Variants in LASP1 observed in about 807,000 individuals in gnomAD.
The protein encoded by LASP1 is LIM and SH3 domain protein 1.
In LASP1, 10 loss-of-function variants were observed where a neutral mutation model predicts 38.6. That is an observed-to-expected ratio of 0.26 (90% CI 0.16 to 0.44). LASP1 has a LOEUF of 0.44. Among genes scored for constraint, LASP1 ranks in the 20% least tolerant of loss-of-function variants. The pLI, the probability that LASP1 is intolerant of heterozygous loss-of-function variation, is 1.00. For synonymous variants in LASP1, 132 were observed against 140.8 expected, an observed-to-expected ratio of 0.94 and a Z score of 0.44; for missense variants, 243 against 375.7, an observed-to-expected ratio of 0.65 and a Z score of 2.92.
intron 4 of LASP1, chr17:38,904,606 A>G (rs1399294424): frequency 6.6e-6 from 1 of 152,214 alleles, no homozygotes; most frequent in Non-Finnish European, 1.5e-5. Flanking sequence ...AATAAAAAAA[A>G]AAAAAGGAAA....
chr17:38,918,615 G>A lies in LASP1; in HGVS notation c.623G>A (p.Arg208His), dbSNP rs1325306453. Reference protein sequence around the residue: ...SAPGGGGKRYRAVYDYSAADE... With the variant: ...SAPGGGGKRYHAVYDYSAADE... Reference sequence around the variant, plus strand: ...ACACTTCCCCCACAGAAGCGGTACCGCGCGGTGTATGACTACAGCGCCGCC... The same window carrying A: ...ACACTTCCCCCACAGAAGCGGTACCACGCGGTGTATGACTACAGCGCCGCC... The change falls in exon 7 of 7, where the codon CGC (arginine) becomes CAC (histidine). Residue 208 changes from arginine to histidine, a missense_variant. Arg to His is a conservative substitution (Grantham distance 29). Around this residue, in one of 4 missense-constraint regions of LASP1, gnomAD observed 165 missense variants for 210.3 expected, o/e 0.78. Coordinates refer to ENST00000318008, the MANE Select transcript of LASP1 (RefSeq NM_006148.4). The surrounding 1 kb of genome is among the most constrained non-coding windows in gnomAD (Gnocchi z 4.4). 3.8e-6 allele frequency: 6 copies of A among 1,597,928 alleles called. No homozygotes were observed. Among genetic ancestry groups the A allele is most frequent in the Non-Finnish European group, 5.1e-6 (6 of 1,168,072 alleles).
rs190538651 is a variant in LASP1, at chr17:38,876,970, G to A, written c.70-1116G>A. On this transcript the variant is annotated intron_variant, in intron 1 of 6. Coordinates refer to ENST00000318008, the MANE Select transcript of LASP1 (RefSeq NM_006148.4). The stretch of plus-strand genomic sequence containing the variant: ...CGCCCGCCTCGGCCTCCCAAAGTGC[G>A]GGATTACAGGCGTGAGCCACCGTGC... Among the ~76,000 whole-genome samples the A allele has an allele frequency of 5.8e-3, 874 of 151,564 alleles. 2 individuals carry two copies. The highest frequency in any genetic ancestry group is 9.6e-3 in the Non-Finnish European group (654 of 67,806).
chr17:38,882,604 T>C (rs1237709148), intron 2 of LASP1, among the ~76,000 whole-genome samples: 1 of 152,162 alleles, frequency 6.6e-6, no homozygotes, highest in Non-Finnish European at 1.5e-5. Flanking sequence ...GTGAGAGAGA[T>C]ATTTAAGAGA....
In LASP1 at chr17:38,870,140, A is replaced by G; in HGVS notation, c.-50A>G. 10 of 1,603,718 alleles carry G rather than the reference A, an allele frequency of 6.2e-6. No homozygotes were observed. The highest frequency in any genetic ancestry group is 8.5e-6 in the Non-Finnish European group (10 of 1,174,148). ...GCCTCCCGCCAGCTCGCCTCGGGGA[A>G]CAGGACGCGCGTGAGCTCAGGCGTC... On this transcript the variant is annotated 5_prime_UTR_variant, in exon 1 of 7. Coordinates refer to ENST00000318008, the MANE Select transcript of LASP1 (RefSeq NM_006148.4).
chr17:38,907,015 C>G (rs1403224027), intron 4 of LASP1, among the ~76,000 whole-genome samples: 1 of 152,196 alleles, frequency 6.6e-6, no homozygotes, highest in African/African-American at 2.4e-5. Context: ...GAGCTTGGAG[C>G]AGGGATGAGC....
intron 1 of LASP1, among the ~76,000 whole-genome samples, chr17:38,877,706 G>A (rs762356553): frequency 2.0e-5 from 3 of 152,164 alleles, no homozygotes; most frequent in Non-Finnish European, 2.9e-5. Context: ...CTGCTCCCTA[G>A]CAACCCAGCG....
At position 38,920,454 on chromosome 17, in the gene LASP1, A is replaced by G. The variant is rs1915269431; in HGVS notation, c.*1676A>G. 3.7e-6 allele frequency: 1 copy of G among 267,494 alleles called. No individual in the cohort carries two copies. Among genetic ancestry groups the G allele is most frequent in the African/African-American group, 2.1e-5 (1 of 47,204 alleles). The allele number at this position is 267,494 out of a possible 1,614,324, so 16.6% of individuals were successfully genotyped here. ...GGGTGGCTGTGACAACCCTGGCCTC[A>G]CTTGATTCATCTCTGGTTTTCTTGC... On this transcript the variant is annotated 3_prime_UTR_variant, in exon 7 of 7. Coordinates refer to ENST00000318008, the MANE Select transcript of LASP1 (RefSeq NM_006148.4).
At chr17:38,910,733 C>CTTTTTTTTTCTTTTT (rs10526728) in intron 4 of LASP1, among the ~76,000 whole-genome samples, 1 of 135,476 alleles carries the variant, frequency 7.4e-6, no homozygotes, top group Non-Finnish European at 1.5e-5. Context: ...CTGGAGTCCA[C>CTTTTTTTTTCTTTTT]TTTTTTTTAA....
intron 2 of LASP1, among the ~76,000 whole-genome samples, chr17:38,879,640 G>T (rs2143738563): frequency 6.7e-6 from 1 of 150,152 alleles, no homozygotes; most frequent in South Asian, 2.1e-4. Context: ...AAAAAAATTT[G>T]GGACTTGTCT....
intron 4 of LASP1, among the ~76,000 whole-genome samples, chr17:38,913,637 C>T (rs1042538492): frequency 6.6e-5 from 10 of 152,130 alleles, no homozygotes; most frequent in East Asian, 3.9e-4. Flanking sequence ...GCTCAGGAAA[C>T]GGGCTGCTGC....
At chr17:38,890,274 G>GTGGA in intron 2 of LASP1, 146 bp from the exon 3 acceptor site, 1 of 662,226 alleles carries the variant, frequency 1.5e-6, no homozygotes, top group Non-Finnish European at 2.6e-6. Flanking sequence ...GGCCTTGGTG[G>GTGGA]TGGACACTGA....
intron 1 of LASP1, 150 bp from the exon 2 acceptor site, chr17:38,877,936 C>G (rs1162832420): frequency 1.7e-6 from 1 of 591,972 alleles, no homozygotes; most frequent in Non-Finnish European, 3.1e-6. Flanking sequence ...ACCTGAAATG[C>G]CCCCAGCTCA....
At chr17:38,878,962 C>T (rs934866089) in intron 2 of LASP1, among the ~76,000 whole-genome samples, 5 of 151,856 alleles carry the variant, frequency 3.3e-5, no homozygotes, top group Non-Finnish European at 5.9e-5. Context: ...GAATACCTCC[C>T]CTCCCATCCC....
Position 38,911,269 on chromosome 17 carries a change from C to T in LASP1, c.358-3056C>T, listed in dbSNP as rs545237520. ...CAGCCTGGAGCCAGGGCCAGCGTCC[C>T]GAGGATGAGGTGCCGAGATGGACCT... On this transcript the variant is annotated intron_variant, in intron 4 of 6. Coordinates refer to ENST00000318008, the MANE Select transcript of LASP1 (RefSeq NM_006148.4). 7.2e-5 allele frequency among the ~76,000 whole-genome samples: 11 copies of T among 152,246 alleles called. No individual in the cohort carries two copies. In the South Asian group the frequency reaches 1.7e-3, roughly 23 times the overall value.
chr17:38,918,665 G>A lies in LASP1; in HGVS notation c.673G>A (p.Asp225Asn). 1 of 1,613,948 alleles carries A rather than the reference G, an allele frequency of 6.2e-7. No individual in the cohort carries two copies. Among genetic ancestry groups the A allele is most frequent in the Non-Finnish European group, 8.5e-7 (1 of 1,179,868 alleles). Residue 225 changes from aspartate to asparagine, a missense_variant, in exon 7 of 7, where the codon GAC becomes AAC. By Grantham distance (23) the Asp-to-Asn change is conservative. Coordinates refer to ENST00000318008, the MANE Select transcript of LASP1 (RefSeq NM_006148.4). This position sits in a 1 kb window ranked among gnomAD's most constrained non-coding sequence, Gnocchi z 4.4. ...AADEDEVSFQ[D>N]GDTIVNVQQI... ...CGACGAGGACGAGGTCTCCTTCCAG[G>A]ACGGGGACACCATCGTCAACGTGCA...
At chr17:38,877,802 C>T (rs1913824711) in intron 1 of LASP1, among the ~76,000 whole-genome samples, 1 of 152,182 alleles carries the variant, frequency 6.6e-6, no homozygotes, top group Non-Finnish European at 1.5e-5. Flanking sequence ...GGGCTGCTGC[C>T]ACTGCTATAA....
At chr17:38,899,745 A>ATTTTTTTTT (rs1567701005) in intron 4 of LASP1, among the ~76,000 whole-genome samples, 1 of 98,628 alleles carries the variant, frequency 1.0e-5, no homozygotes, top group Non-Finnish European at 2.2e-5. Flanking sequence ...GGGCGTTCAG[A>ATTTTTTTTT]TCTTTTTTTT....
At position 38,892,152 on chromosome 17, in the gene LASP1, A is replaced by G. The variant is rs575171154; in HGVS notation, c.249+1648A>G. Among the ~76,000 whole-genome samples, 4 of 152,312 alleles carry G rather than the reference A, an allele frequency of 2.6e-5. No individual in the cohort carries two copies. In the South Asian group the frequency reaches 8.3e-4, roughly 32 times the overall value. Reference sequence around the variant, plus strand: ...GTGCCTTTAGTTAGTTCCCCTGTTTATCCTTGACTGGGTTCTGGGAGAAGG... The same window carrying G: ...GTGCCTTTAGTTAGTTCCCCTGTTTGTCCTTGACTGGGTTCTGGGAGAAGG... On this transcript the variant is annotated intron_variant, in intron 3 of 6. Transcript: ENST00000318008.
chr17:38,921,009 A>G lies in LASP1; in HGVS notation c.*2231A>G. ...CCTTCCCAGATAAGGCAAGCCAGTC[A>G]TGGAATCTTGCTGCAGGCCCTCCCT... is the stretch of plus-strand genomic sequence containing the variant. On this transcript the variant is annotated 3_prime_UTR_variant, in exon 7 of 7. Coordinates refer to ENST00000318008, the MANE Select transcript of LASP1 (RefSeq NM_006148.4). 1 of 232,210 alleles carries G rather than the reference A, an allele frequency of 4.3e-6. No individual in the cohort carries two copies. The highest frequency in any genetic ancestry group is 5.6e-5 in the Admixed American group (1 of 17,730). 14.4% of individuals were successfully genotyped at this position (232,210 alleles called of 1,614,324 possible).
Sources: allele counts gnomAD v4.1 joint callset (sites outside exome capture counted in the v4.1 genomes callset), GRCh38; gene constraint gnomAD v4.1.1; regional missense constraint gnomAD v4.1.1; non-coding constraint Gnocchi (gnomAD v3.1); transcripts MANE v1.5; gene names NCBI Gene and HGNC (gene_info 2026-07-23, HGNC 2026-07-21).